The following BRWD1 variants were observed in gnomAD, a reference collection of about 807,000 sequenced individuals.
The protein encoded by BRWD1 is bromodomain and WD repeat-containing protein 1.
A neutral mutation model predicts 251.2 loss-of-function variants in BRWD1; 82 were observed. The observed-to-expected ratio is 0.33, with a 90% CI of 0.27 to 0.39. The LOEUF (loss-of-function observed/expected upper bound fraction) is 0.39, where lower values mean the gene tolerates loss of function less well. Ranked by LOEUF, BRWD1 falls within the 10% of genes least tolerant of loss-of-function variation. The pLI is 1.00. For synonymous variants in BRWD1, 918 were observed against 902.8 expected (o/e 1.02, Z -0.30); for missense variants, 2,233 against 2,711.6 (o/e 0.82, Z 3.92).
chr21:39,215,161 A>C, intron 32 of BRWD1, 76 bp downstream of exon 32: 1 of 1,488,126 alleles, frequency 6.7e-7, no homozygotes, highest in Non-Finnish European at 9.3e-7. Context: ...ATGAGCCACC[A>C]CGCCCGGCAA....
rs71330353 is a variant in BRWD1 at position 39,203,438 on chromosome 21, CTT to C, written c.4365-895_4365-894del. The stretch of plus-strand genomic sequence containing the variant: ...TGGGCAACAGAGCAAGACCCTGGTT[CTT>C]TTTTTTTTTTTTTTTTTTTTTTGAG... On this transcript the variant is annotated intron_variant, in intron 37 of 40. Coordinates refer to ENST00000342449, the MANE Select transcript of BRWD1 (RefSeq NM_033656.4). 5.4e-3 allele frequency among the ~76,000 whole-genome samples: 366 copies of C among 67,722 alleles called. 2 individuals carry two copies. Among genetic ancestry groups the C allele is most frequent in the Admixed American group, 7.6e-3 (37 of 4,898 alleles). The allele number at this position is 67,722 out of a possible 152,430, so 44.4% of individuals were successfully genotyped here. A position where few individuals can be genotyped will look rare whatever the true frequency, so the allele number is the denominator to read the frequency against.
At chr21:39,224,110 A>T (rs1568885760) in intron 29 of BRWD1, among the ~76,000 whole-genome samples, 1 of 152,220 alleles carries the variant, frequency 6.6e-6, no homozygotes, top group Non-Finnish European at 1.5e-5. Flanking sequence ...TTGGCCTCCC[A>T]AAGTGCTGAG....
chr21:39,229,537 C>T, intron 25 of BRWD1, 101 bp from the exon 26 acceptor site: 1 of 1,148,522 alleles, frequency 8.7e-7, no homozygotes, highest in Non-Finnish European at 1.2e-6. Flanking sequence ...ATTTAGGCTT[C>T]CAAACCCGCA....
At position 39,192,304 on chromosome 21, in the gene BRWD1, A is replaced by C; in HGVS notation, c.*3955T>G. 1 of 985,266 alleles carries C rather than the reference A, an allele frequency of 1.0e-6. No individual in the cohort carries two copies. The highest frequency in any genetic ancestry group is 1.7e-5 in the African/African-American group (1 of 57,338). 61.0% of individuals were successfully genotyped at this position (985,266 alleles called of 1,614,324 possible). On this transcript the variant is annotated 3_prime_UTR_variant, in exon 41 of 41. Transcript: ENST00000342449. ...TTCACAGTTTGAGCTAGGAATTAAC[A>C]TTTGCTAATCTAGTTGGACTCAGTT...
At chr21:39,298,891 ACTT>A (rs2036030061) in intron 4 of BRWD1, among the ~76,000 whole-genome samples, 1 of 152,138 alleles carries the variant, frequency 6.6e-6, no homozygotes, top group Non-Finnish European at 1.5e-5. Context: ...AGCTAACAAA[ACTT>A]AATCTCAAGA....
Position 39,218,493 on chromosome 21 carries a change from TAAAA to T in BRWD1, c.3538+8_3538+11del. The T allele has an allele frequency of 6.4e-7, 1 of 1,562,128 alleles. No homozygotes were observed. The highest frequency in any genetic ancestry group is 1.4e-5 in the African/African-American group (1 of 72,044). On this transcript the variant is annotated splice_region_variant and intron_variant, in intron 30 of 40. Coordinates refer to ENST00000342449, the MANE Select transcript of BRWD1 (RefSeq NM_033656.4). Reference sequence around the variant, plus strand: ...AAAAAAAACTTTTCATCCTAAAAAATAAAAAACTTACCAAGATTCAAAAGTTGAT... The same window carrying T: ...AAAAAAAACTTTTCATCCTAAAAAATAACTTACCAAGATTCAAAAGTTGAT...
chr21:39,264,787 ATC>A, intron 16 of BRWD1, 102 bp from the exon 17 acceptor site: 1 of 1,521,628 alleles, frequency 6.6e-7, no homozygotes, highest in Admixed American at 2.1e-5. Flanking sequence ...AGGAAATCAA[ATC>A]ACTCAGCTAA....
intron 13 of BRWD1, 23 bp from the exon 14 acceptor site, chr21:39,270,456 G>C: frequency 6.4e-7 from 1 of 1,574,296 alleles, no homozygotes; most frequent in South Asian, 1.2e-5. Flanking sequence ...TACACAACAT[G>C]TAAACTTATT....
intron 36 of BRWD1, among the ~76,000 whole-genome samples, chr21:39,207,045 C>G (rs1428025168): frequency 6.6e-6 from 1 of 152,206 alleles, no homozygotes; most frequent in Non-Finnish European, 1.5e-5. Flanking sequence ...TTACATGCTT[C>G]TCATATACAT....
intron 34 of BRWD1, among the ~76,000 whole-genome samples, chr21:39,211,957 C>A (rs868703448): frequency 1.3e-4 from 20 of 152,090 alleles, no homozygotes; most frequent in Admixed American, 5.9e-4. Flanking sequence ...TCAAAGCCTG[C>A]CGATACTCCA....
rs1601209528 is a variant in BRWD1 at position 39,187,771 on chromosome 21, C to G, written c.*8488G>C. 2 of 984,950 alleles carry G rather than the reference C, an allele frequency of 2.0e-6. No homozygotes were observed. Among genetic ancestry groups the G allele is most frequent in the East Asian group, 1.1e-4 (1 of 8,810 alleles). The allele number at this position is 984,950 out of a possible 1,614,324, so 61.0% of individuals were successfully genotyped here. On this transcript the variant is annotated 3_prime_UTR_variant, in exon 41 of 41. Coordinates refer to ENST00000342449, the MANE Select transcript of BRWD1 (RefSeq NM_033656.4). ...CTTCATTGTTCCAGTATTTTCTGAC[C>G]TAGGTATGTGACACACGAGATTCAG...
rs1555871883 is a variant in BRWD1 at position 39,272,305 on chromosome 21, T to TA, written c.1245-1873dup. 6.3e-3 allele frequency among the ~76,000 whole-genome samples: 697 copies of TA among 109,842 alleles called. 6 individuals are homozygous for TA. The highest frequency in any genetic ancestry group is 0.015 in the African/African-American group (470 of 31,486). The allele number at this position is 109,842 out of a possible 152,430, so 72.1% of individuals were successfully genotyped here. A position where few individuals can be genotyped will look rare whatever the true frequency, so the allele number is the denominator to read the frequency against. ...GTGCACATGTACCCTAAAACTTAAA[T>TA]AAATAAAAAAAAAAAAAAAGACCAT... On this transcript the variant is annotated intron_variant, in intron 13 of 40. Transcript: ENST00000342449.
At chr21:39,309,026 T>C (rs757373302) in intron 4 of BRWD1, among the ~76,000 whole-genome samples, 10 of 151,890 alleles carry the variant, frequency 6.6e-5, no homozygotes, top group Non-Finnish European at 1.0e-4. Flanking sequence ...CTACGAAAAT[T>C]AGCTGGGCAT....
At chr21:39,212,593 A>G in intron 34 of BRWD1, 73 bp downstream of exon 34, 2 of 1,268,250 alleles carry the variant, frequency 1.6e-6, no homozygotes, top group South Asian at 2.6e-5. Context: ...TCAAAGACAA[A>G]AACTAAAATC....
At chr21:39,201,696 A>T (rs568551224) in intron 38 of BRWD1, among the ~76,000 whole-genome samples, 1 of 152,340 alleles carries the variant, frequency 6.6e-6, no homozygotes, top group South Asian at 2.1e-4. Context: ...TGTGATACAC[A>T]TGAACTTGCT....
chr21:39,190,304 AT>A lies in BRWD1; in HGVS notation c.*5954del, dbSNP rs1473632774. Reference sequence around the variant, plus strand: ...TCATCATACAAAACTGTTTTCCTAAATTCAAAGTAAACTGCATATGGTTACT... The same window carrying A: ...TCATCATACAAAACTGTTTTCCTAAATCAAAGTAAACTGCATATGGTTACT... On this transcript the variant is annotated 3_prime_UTR_variant, in exon 41 of 41. Coordinates refer to ENST00000342449, the MANE Select transcript of BRWD1 (RefSeq NM_033656.4). The A allele has an allele frequency of 2.0e-6, 2 of 984,912 alleles. No homozygotes were observed. Among genetic ancestry groups the A allele is most frequent in the Non-Finnish European group, 2.4e-6 (2 of 829,630 alleles). The allele number at this position is 984,912 out of a possible 1,614,324, so 61.0% of individuals were successfully genotyped here.
At chr21:39,315,322 T>C (rs2036678813), upstream of BRWD1, among the ~76,000 whole-genome samples, 1 of 151,912 alleles carries the variant, frequency 6.6e-6, no homozygotes, top group African/African-American at 2.4e-5. Flanking sequence ...TTTATATATA[T>C]TTATAAATGG....
Position 39,194,882 on chromosome 21 carries a change from A to G in BRWD1, c.*1377T>C, listed in dbSNP as rs1200564250. The G allele has an allele frequency of 5.2e-6, 8 of 1,529,698 alleles. No individual in the cohort carries two copies. Among genetic ancestry groups the G allele is most frequent in the Non-Finnish European group, 7.0e-6 (8 of 1,142,970 alleles). 94.8% of individuals were successfully genotyped at this position (1,529,698 alleles called of 1,614,324 possible). A position where few individuals can be genotyped will look rare whatever the true frequency, so the allele number is the denominator to read the frequency against. ...TTAATTTTGTCTGAAATCAAACACAATTAGGGCTAATAAATAACTTACAGG... is the reference window on the plus strand; with the variant it reads ...TTAATTTTGTCTGAAATCAAACACAGTTAGGGCTAATAAATAACTTACAGG... On this transcript the variant is annotated 3_prime_UTR_variant, in exon 41 of 41. Transcript: ENST00000342449.
Position 39,239,673 on chromosome 21 carries a change from C to T in BRWD1, c.2482-1100G>A, listed in dbSNP as rs2033925053. Among the ~76,000 whole-genome samples the T allele has an allele frequency of 1.3e-5, 2 of 152,070 alleles. 1 individual carries two copies. Among genetic ancestry groups the T allele is most frequent in the African/African-American group, 4.8e-5 (2 of 41,392 alleles). ...GATCTTCTTCCTCTCTATATAAACT[C>T]GAAAAATCAGTTTGTCAGTAAAATT... On this transcript the variant is annotated intron_variant, in intron 21 of 40. Coordinates refer to ENST00000342449, the MANE Select transcript of BRWD1 (RefSeq NM_033656.4).
Sources: gnomAD v4.1 joint callset for allele counts (sites outside exome capture counted in the v4.1 genomes callset) on GRCh38, gnomAD v4.1.1 for gene constraint, MANE v1.5 for transcripts, NCBI Gene and HGNC (gene_info 2026-07-23, HGNC 2026-07-21) for gene names.